PBRM1: variants seen among roughly 807,000 people sequenced by gnomAD.
PBRM1 encodes the protein polybromo 1.
A neutral mutation model predicts 194.5 loss-of-function variants in PBRM1; 27 were observed. That is an observed-to-expected ratio of 0.14 (90% CI 0.10 to 0.19). The LOEUF (loss-of-function observed/expected upper bound fraction) is 0.19. Ranked by LOEUF, PBRM1 falls within the 10% of genes least tolerant of loss-of-function variation. The pLI is 1.00. For synonymous variants in PBRM1, 655 were observed against 693.2 expected, an observed-to-expected ratio of 0.94 and a Z score of 0.87; for missense variants, 1,466 against 2,077.2, an observed-to-expected ratio of 0.71 and a Z score of 5.72.
chr3:52,604,100 G>A (rs1186186883), intron 16 of PBRM1, among the ~76,000 whole-genome samples: 1 of 152,138 alleles, frequency 6.6e-6, no homozygotes, highest in Non-Finnish European at 1.5e-5. Flanking sequence ...ACACTTACTC[G>A]TATCTATTCT....
At position 52,576,214 on chromosome 3, in the gene PBRM1, C is replaced by CA. The variant is rs1006913740; in HGVS notation, c.3691+326dup. The stretch of plus-strand genomic sequence containing the variant: ...CCCCAAATCTGATGAAAGACATGAA[C>CA]AAAAAAAACTATCAATGGAGAATTC... On this transcript the variant is annotated intron_variant, in intron 22 of 29. Transcript: ENST00000296302. 7.5e-4 allele frequency among the ~76,000 whole-genome samples: 114 copies of CA among 151,628 alleles called. 1 individual carries two copies. The highest frequency in any genetic ancestry group is 1.3e-3 in the Non-Finnish European group (91 of 67,870).
intron 22 of PBRM1, among the ~76,000 whole-genome samples, chr3:52,567,299 C>T (rs1159466470): frequency 1.3e-5 from 2 of 151,882 alleles, no homozygotes; most frequent in Non-Finnish European, 2.9e-5. Flanking sequence ...TCTGCTGACG[C>T]TAAATAATGC....
downstream of PBRM1, chr3:52,547,192 T>C (rs1004016985): frequency 1.3e-5 from 3 of 233,106 alleles, no homozygotes; most frequent in African/African-American, 6.6e-5. Context: ...CTGAAATTTA[T>C]AGGCATAAAT....
chr3:52,627,883 T>A (rs1187230341), intron 12 of PBRM1, among the ~76,000 whole-genome samples: 1 of 152,174 alleles, frequency 6.6e-6, no homozygotes, highest in African/African-American at 2.4e-5. Flanking sequence ...AAGGTAATAA[T>A]ACCTGAAAGT....
At chr3:52,613,249 A>G (rs1257429265) in intron 15 of PBRM1, among the ~76,000 whole-genome samples, 1 of 152,232 alleles carries the variant, frequency 6.6e-6, no homozygotes, top group Non-Finnish European at 1.5e-5. Flanking sequence ...TAGGAAAAGA[A>G]GAAGAAAAAG....
chr3:52,568,200 G>A (rs1243429067), intron 22 of PBRM1, among the ~76,000 whole-genome samples: 1 of 151,944 alleles, frequency 6.6e-6, no homozygotes, highest in African/African-American at 2.4e-5. Context: ...GCTAGTCTTC[G>A]ACTCCTGACC....
intron 20 of PBRM1, 40 bp from the exon 23 acceptor site, chr3:52,579,239 A>G (rs539506887): frequency 8.9e-6 from 14 of 1,573,156 alleles, no homozygotes; most frequent in Non-Finnish European, 1.2e-5. Flanking sequence ...GTAGTTGATA[A>G]TCAAGGAATA....
At chr3:52,628,956 G>A (rs779427834) in exon 12 of PBRM1, 8 of 1,612,672 alleles carry the variant, frequency 5.0e-6, no homozygotes, top group East Asian at 4.5e-5. Context: ...ACATTATAGC[G>A]TTTGGCATTT....
At chr3:52,589,218 G>A (rs747068673) in exon 18 of PBRM1, 3 of 1,571,382 alleles carry the variant, frequency 1.9e-6, no homozygotes, top group African/African-American at 1.4e-5. Flanking sequence ...AGCCTGAGAG[G>A]CCTGCAGCAC....
rs539866213 is a variant in PBRM1 at position 52,554,065 on chromosome 3, G to A, written c.4609+659C>T. ...TCCACCTTCCTCATTCTCTGAAAGTGCTGGGATTACAGGCATGAGCCATTA... is the reference window on the plus strand; with the variant it reads ...TCCACCTTCCTCATTCTCTGAAAGTACTGGGATTACAGGCATGAGCCATTA... On this transcript the variant is annotated intron_variant, in intron 27 of 29. Transcript: ENST00000296302. Among the ~76,000 whole-genome samples the A allele has an allele frequency of 1.4e-4, 22 of 152,296 alleles. No individual in the cohort carries two copies. The South Asian group carries it at 4.4e-3, about 30-fold the overall frequency.
At chr3:52,603,531 T>G in exon 17 of PBRM1, 1 of 1,597,350 alleles carries the variant, frequency 6.3e-7, no homozygotes, top group South Asian at 1.1e-5. Context: ...CTCTTTTTTC[T>G]TCTTCTCGTT....
upstream of PBRM1, among the ~76,000 whole-genome samples, chr3:52,683,562 C>T (rs1426977040): frequency 1.3e-5 from 2 of 151,866 alleles, no homozygotes; most frequent in East Asian, 1.9e-4. Flanking sequence ...GCCTGTAATC[C>T]CAGCAATTTA....
Position 52,563,533 on chromosome 3 carries a change from C to A in PBRM1, c.3876-40G>T, listed in dbSNP as rs755245010. 6.3e-6 allele frequency: 9 copies of A among 1,417,920 alleles called. No homozygotes were observed. The Admixed American group carries it at 1.5e-4, about 24-fold the overall frequency. The allele number at this position is 1,417,920 out of a possible 1,614,324, so 87.8% of individuals were successfully genotyped here. A position where few individuals can be genotyped will look rare whatever the true frequency, so the allele number is the denominator to read the frequency against. ...ATAAAAAACCTAAAATCACCTAATG[C>A]CCCTCCAGAATAAGCCGGAAAGCAG... On this transcript the variant is annotated intron_variant, in intron 23 of 29. Transcript: ENST00000296302.
intron 1 of PBRM1, chr3:52,685,434 ACCTGTCACT>A (rs2097296724): frequency 6.6e-6 from 1 of 152,114 alleles, no homozygotes; most frequent in East Asian, 1.9e-4. Context: ...GACTTTCCCG[ACCTGTCACT>A]GGTATTGGGG....
At chr3:52,653,174 G>A (rs72950424) in intron 5 of PBRM1, among the ~76,000 whole-genome samples, 17,157 of 152,096 alleles carry the variant, frequency 0.11, 2,558 homozygotes, top group African/African-American at 0.35. Context: ...ACTTTCATAA[G>A]GATCTGTAAG....
intron 6 of PBRM1, among the ~76,000 whole-genome samples, chr3:52,649,085 T>C (rs566722158): frequency 2.0e-5 from 3 of 152,104 alleles, no homozygotes; most frequent in South Asian, 2.1e-4. Context: ...GAAACCAAAC[T>C]GAGCGAAATG....
At position 52,550,412 on chromosome 3, in the gene PBRM1, G is replaced by A. The variant is rs2153368522; in HGVS notation, c.4897+9C>T. The A allele has an allele frequency of 9.0e-7, 1 of 1,115,272 alleles. No homozygotes were observed. The highest frequency in any genetic ancestry group is 1.2e-6 in the Non-Finnish European group (1 of 824,452). 69.1% of individuals were successfully genotyped at this position (1,115,272 alleles called of 1,614,324 possible). ...TATTTCACAAAGGCTTATTTAGAAGGAATCTTACCTGCCAGTGTCTGATCC... is the reference window on the plus strand; with the variant it reads ...TATTTCACAAAGGCTTATTTAGAAGAAATCTTACCTGCCAGTGTCTGATCC... On this transcript the variant is annotated intron_variant, in intron 29 of 29. Transcript: ENST00000296302.
At chr3:52,632,634 A>T (rs4687548) in intron 11 of PBRM1, among the ~76,000 whole-genome samples, 51,349 of 151,480 alleles carry the variant, frequency 0.34, 9,811 homozygotes, top group Admixed American at 0.46. Flanking sequence ...AAAGGTTACT[A>T]TCCCCCCCAA....
At chr3:52,558,912 T>C (rs1271725355) in intron 25 of PBRM1, among the ~76,000 whole-genome samples, 2 of 152,210 alleles carry the variant, frequency 1.3e-5, no homozygotes, top group Non-Finnish European at 2.9e-5. Context: ...ACGAGTGTCA[T>C]GGAGTTTAGC....
Sources: gnomAD v4.1 joint callset for allele counts (sites outside exome capture counted in the v4.1 genomes callset) on GRCh38, gnomAD v4.1.1 for gene constraint, MANE v1.5 for transcripts, NCBI Gene and HGNC (gene_info 2026-07-23, HGNC 2026-07-21) for gene names.